ATF6: variants seen among roughly 807,000 people sequenced by gnomAD.
ATF6 encodes the protein cyclic AMP-dependent transcription factor ATF-6 alpha.
A neutral mutation model predicts 83.6 loss-of-function variants in ATF6; 53 were observed. The ratio of observed to expected loss-of-function variants is 0.63; its 90% CI spans 0.51 to 0.80. ATF6 has a LOEUF of 0.80. ATF6 is among the 30% of genes least tolerant of loss of function. The pLI is 0.00. For missense variants in ATF6, 744 were observed against 797.9 expected (o/e 0.93, Z 0.81); for synonymous variants, 288 against 285.8 (o/e 1.01, Z -0.08).
chr1:161,868,557 T>TA (rs1446780501), intron 14 of ATF6, among the ~76,000 whole-genome samples: 1 of 152,102 alleles, frequency 6.6e-6, no homozygotes, highest in Admixed American at 6.6e-5. Flanking sequence ...CAGCAATGCC[T>TA]ACCACTGAGT....
chr1:161,873,687 T>G (rs1687159563), intron 14 of ATF6, among the ~76,000 whole-genome samples: 1 of 151,572 alleles, frequency 6.6e-6, no homozygotes, highest in Non-Finnish European at 1.5e-5. Context: ...AGATATCCAG[T>G]TCATAATATG....
At chr1:161,820,977 G>C (rs1346641706) in intron 8 of ATF6, 93 bp from the exon 9 acceptor site, 1 of 666,598 alleles carries the variant, frequency 1.5e-6, no homozygotes, top group African/African-American at 1.9e-5. Flanking sequence ...AGAGATTTAC[G>C]TAACCGGTAA....
chr1:161,808,403 A>T (rs1487361800), intron 7 of ATF6, among the ~76,000 whole-genome samples: 6 of 152,168 alleles, frequency 3.9e-5, no homozygotes, highest in African/African-American at 1.4e-4. Flanking sequence ...ATTCTTCTGG[A>T]GACAGTTCTT....
intron 6 of ATF6, among the ~76,000 whole-genome samples, chr1:161,797,754 T>G (rs1337110703): frequency 6.6e-6 from 1 of 152,100 alleles, no homozygotes; most frequent in African/African-American, 2.4e-5. Flanking sequence ...TCAAAGCAAT[T>G]TACAGATTTA....
At chr1:161,802,405 A>C in intron 7 of ATF6, 133 bp downstream of exon 7, 2 of 747,852 alleles carry the variant, frequency 2.7e-6, no homozygotes, top group Middle Eastern at 5.3e-4. Context: ...GAGTGTGCTG[A>C]ATTGCACATC....
intron 1 of ATF6, among the ~76,000 whole-genome samples, chr1:161,768,694 G>A (rs929144931): frequency 1.3e-5 from 2 of 152,036 alleles, no homozygotes; most frequent in African/African-American, 4.8e-5. Flanking sequence ...CTCCTGAGTC[G>A]CTAGGACTAC....
Position 161,906,677 on chromosome 1 carries a change from A to T in ATF6, c.1720-5619A>T, listed in dbSNP as rs76731254. Among the ~76,000 whole-genome samples the T allele has an allele frequency of 9.9e-3, 1,501 of 152,320 alleles. 8 individuals carry two copies. The highest frequency in any genetic ancestry group is 0.017 in the South Asian group (82 of 4,826). ...TAAGTGTCAAAAGTTTCCTCTTGTC[A>T]AAGTGTAAACCTTGGCTCATTCTTG... On this transcript the variant is annotated intron_variant, in intron 14 of 15. Coordinates refer to ENST00000367942, the MANE Select transcript of ATF6 (RefSeq NM_007348.4).
chr1:161,811,324 G>A (rs1177369065), intron 7 of ATF6, among the ~76,000 whole-genome samples: 1 of 152,158 alleles, frequency 6.6e-6, no homozygotes, highest in African/African-American at 2.4e-5. Context: ...CTTGTGGCTG[G>A]TTACAGGTAG....
chr1:161,802,331 A>G (rs1685174010), intron 7 of ATF6, 59 bp downstream of exon 7: 2 of 1,477,044 alleles, frequency 1.4e-6, no homozygotes, highest in African/African-American at 2.8e-5. Flanking sequence ...ACAAAAAAAC[A>G]CCTTTTGCTT....
At chr1:161,844,439 G>C (rs1487363810) in intron 9 of ATF6, among the ~76,000 whole-genome samples, 1 of 151,144 alleles carries the variant, frequency 6.6e-6, no homozygotes, top group Non-Finnish European at 1.5e-5. Flanking sequence ...AAGTTTTTTT[G>C]TTTTTTGTTT....
chr1:161,802,328 A>G (rs1382922747), intron 7 of ATF6, 56 bp downstream of exon 7: 1 of 1,501,934 alleles, frequency 6.7e-7, no homozygotes, highest in African/African-American at 1.4e-5. Flanking sequence ...CCAACAAAAA[A>G]ACACCTTTTG....
chr1:161,963,025 G>A lies in ATF6; in HGVS notation c.*4371G>A, dbSNP rs1689132456. On this transcript the variant is annotated 3_prime_UTR_variant, in exon 16 of 16. Coordinates refer to ENST00000367942, the MANE Select transcript of ATF6 (RefSeq NM_007348.4). ...TCGTTCCCACCCCTAATAACATTTG[G>A]AAGTGAATATTCCCATTTTCTTCCA... is the stretch of plus-strand genomic sequence containing the variant. The A allele has an allele frequency of 6.6e-6, 1 of 152,114 alleles. No individual in the cohort carries two copies. The highest frequency in any genetic ancestry group is 6.5e-5 in the Admixed American group (1 of 15,282). The allele number at this position is 152,114 out of a possible 1,614,324, so 9.4% of individuals were successfully genotyped here. A position where few individuals can be genotyped will look rare whatever the true frequency, so the allele number is the denominator to read the frequency against.
chr1:161,956,498 CTTA>C (rs1413368181), intron 15 of ATF6, among the ~76,000 whole-genome samples: 5 of 152,186 alleles, frequency 3.3e-5, no homozygotes, highest in Non-Finnish European at 5.9e-5. Flanking sequence ...CATTGGCTAA[CTTA>C]TAGACTTTCA....
chr1:161,819,769 A>G lies in ATF6; in HGVS notation c.1046A>G (p.Lys349Arg). ...GCCCTCTCAGAAAACGAGCAACTGA[A>G]GAAAGAAAATGGAACACTGAAGCGG... ...KAALSENEQLKKENGTLKRQL... is the reference protein window; with the variant it reads ...KAALSENEQLRKENGTLKRQL... Residue 349 changes from lysine to arginine, a missense_variant, in exon 8 of 16, where the codon AAG becomes AGG. Transcript: ENST00000367942. 6.2e-7 allele frequency: 1 copy of G among 1,612,754 alleles called. No individual in the cohort carries two copies. The highest frequency in any genetic ancestry group is 8.5e-7 in the Non-Finnish European group (1 of 1,179,400).
At chr1:161,871,198 A>G (rs1435288080) in intron 14 of ATF6, among the ~76,000 whole-genome samples, 2 of 151,740 alleles carry the variant, frequency 1.3e-5, no homozygotes, top group African/African-American at 2.4e-5. Context: ...ATTTTTCTCA[A>G]TGAATGTTTA....
At chr1:161,808,999 ACTT>A (rs1459009250) in intron 7 of ATF6, among the ~76,000 whole-genome samples, 2 of 152,310 alleles carry the variant, frequency 1.3e-5, no homozygotes, top group East Asian at 1.9e-4. Flanking sequence ...ATAACTTGGT[ACTT>A]ATTTCATTTT....
intron 15 of ATF6, among the ~76,000 whole-genome samples, chr1:161,935,181 GAGAC>G (rs1159178501): frequency 2.0e-5 from 3 of 152,172 alleles, no homozygotes; most frequent in African/African-American, 7.2e-5. Context: ...AATGCAGAGA[GAGAC>G]AGACAGAGAG....
intron 14 of ATF6, among the ~76,000 whole-genome samples, chr1:161,874,749 G>A (rs1687175386): frequency 6.6e-6 from 1 of 151,684 alleles, no homozygotes. Context: ...AGAGGTAGGA[G>A]CAATATGAAC....
At chr1:161,832,400 CAGTG>C (rs1260012919) in intron 9 of ATF6, among the ~76,000 whole-genome samples, 1 of 152,122 alleles carries the variant, frequency 6.6e-6, no homozygotes, top group Non-Finnish European at 1.5e-5. Flanking sequence ...GAGTGCCAGA[CAGTG>C]GGTGCAGGAC....
Sources: allele counts gnomAD v4.1 joint callset (sites outside exome capture counted in the v4.1 genomes callset), GRCh38; gene constraint gnomAD v4.1.1; transcripts MANE v1.5; gene names NCBI Gene and HGNC (gene_info 2026-07-23, HGNC 2026-07-21).